TMC2: variants seen among roughly 807,000 people sequenced by gnomAD.
TMC2 encodes the protein transmembrane channel-like protein 2.
In TMC2, 102 loss-of-function variants were observed where a neutral mutation model predicts 105.9. That is an observed-to-expected ratio of 0.96 (90% CI 0.82 to 1.14). The LOEUF (loss-of-function observed/expected upper bound fraction) is 1.14. Among genes scored for constraint, TMC2 ranks in the 50% most tolerant of loss-of-function variants. TMC2 has a pLI of 0.00. For synonymous variants in TMC2, 402 were observed against 422.8 expected (o/e 0.95, Z 0.60); for missense variants, 1,093 against 1,134.3 (o/e 0.96, Z 0.52).
chr20:2,567,066 C>T (rs1600104147), intron 4 of TMC2, among the ~76,000 whole-genome samples: 1 of 152,366 alleles, frequency 6.6e-6, no homozygotes, highest in South Asian at 2.1e-4. Flanking sequence ...ATACCCCTAA[C>T]CAGGGTGTGC....
At chr20:2,572,143 A>G in intron 4 of TMC2, 36 bp from the exon 5 acceptor site, 1 of 1,502,488 alleles carries the variant, frequency 6.7e-7, no homozygotes, top group South Asian at 1.1e-5. Flanking sequence ...GTTAGGTGCT[A>G]ACTGAAATCC....
Position 2,616,924 on chromosome 20 carries a change from G to A in TMC2, c.1941-148G>A, listed in dbSNP as rs2086486625. 1.2e-6 allele frequency: 1 copy of A among 802,590 alleles called. No homozygotes were observed. The highest frequency in any genetic ancestry group is 2.0e-6 in the Non-Finnish European group (1 of 508,026). The allele number at this position is 802,590 out of a possible 1,614,324, so 49.7% of individuals were successfully genotyped here. A position where few individuals can be genotyped will look rare whatever the true frequency, so the allele number is the denominator to read the frequency against. On this transcript the variant is annotated intron_variant, in intron 15 of 19. Coordinates refer to ENST00000358864, the MANE Select transcript of TMC2 (RefSeq NM_080751.3). This position sits in a 1 kb window ranked among gnomAD's most constrained non-coding sequence, Gnocchi z 4.8. ...TTCTGGCTTGATGATCGATATTCTG[G>A]TTAAATGGGAGGCCCCTTACCTGGG...
chr20:2,604,427 G>T (rs1054583751), intron 11 of TMC2, among the ~76,000 whole-genome samples: 2 of 152,206 alleles, frequency 1.3e-5, no homozygotes, highest in African/African-American at 4.8e-5. Flanking sequence ...TGACATGAGT[G>T]ACTCTATTTT....
chr20:2,594,978 C>T lies in TMC2; in HGVS notation c.1076+11C>T, dbSNP rs757895490. On this transcript the variant is annotated intron_variant, in intron 9 of 19. Coordinates refer to ENST00000358864, the MANE Select transcript of TMC2 (RefSeq NM_080751.3). The stretch of plus-strand genomic sequence containing the variant: ...TATTGTCATTCGATCGTAAGTATGA[C>T]CGTCTCATCCGCAGGCTTTGACTTC... The T allele has an allele frequency of 6.2e-7, 1 of 1,610,140 alleles. No individual in the cohort carries two copies. The highest frequency in any genetic ancestry group is 1.7e-5 in the Admixed American group (1 of 59,834).
intron 11 of TMC2, among the ~76,000 whole-genome samples, chr20:2,604,166 G>A (rs932709192): frequency 2.5e-4 from 38 of 152,304 alleles, no homozygotes; most frequent in African/African-American, 8.4e-4. Context: ...TGCCAAAATC[G>A]GGAGAAGGTT....
At chr20:2,544,199 A>G (rs1226452776) in intron 2 of TMC2, among the ~76,000 whole-genome samples, 1 of 151,856 alleles carries the variant, frequency 6.6e-6, no homozygotes, top group African/African-American at 2.4e-5. Flanking sequence ...TACAGGCATG[A>G]GCCAACGCAC....
chr20:2,554,625 A>T (rs1040642236), intron 2 of TMC2, among the ~76,000 whole-genome samples: 9 of 152,146 alleles, frequency 5.9e-5, no homozygotes, highest in African/African-American at 2.2e-4. Flanking sequence ...ATAAATTTTG[A>T]CCAGTTGTAT....
At chr20:2,598,473 G>A (rs761320074) in intron 10 of TMC2, among the ~76,000 whole-genome samples, 11 of 151,680 alleles carry the variant, frequency 7.3e-5, no homozygotes, top group Non-Finnish European at 1.5e-5. Flanking sequence ...GGAGTGTAGT[G>A]GCAAAATCTC....
At chr20:2,564,565 G>A (rs2086051131) in intron 4 of TMC2, among the ~76,000 whole-genome samples, 1 of 152,168 alleles carries the variant, frequency 6.6e-6, no homozygotes, top group East Asian at 1.9e-4. Context: ...TCCCACTCAG[G>A]TGTCACCAGA....
chr20:2,607,346 A>G (rs2086401588), intron 11 of TMC2, among the ~76,000 whole-genome samples: 1 of 152,012 alleles, frequency 6.6e-6, no homozygotes, highest in South Asian at 2.1e-4. Flanking sequence ...TCCTTTATCT[A>G]TATTCCCTCT....
intron 2 of TMC2, among the ~76,000 whole-genome samples, chr20:2,556,845 T>C (rs1206698496): frequency 1.3e-5 from 2 of 151,488 alleles, no homozygotes; most frequent in South Asian, 2.1e-4. Flanking sequence ...GAAGAATACT[T>C]TTGATGGATA....
At chr20:2,552,244 T>A in intron 2 of TMC2, among the ~76,000 whole-genome samples, 1 of 152,198 alleles carries the variant, frequency 6.6e-6, no homozygotes, top group East Asian at 1.9e-4. Context: ...AGCAACAGAA[T>A]GAGACCCTGT....
chr20:2,602,104 C>T lies in TMC2; in HGVS notation c.1225-9C>T. The T allele has an allele frequency of 6.3e-7, 1 of 1,592,786 alleles. No individual in the cohort carries two copies. Among genetic ancestry groups the T allele is most frequent in the Non-Finnish European group, 8.6e-7 (1 of 1,167,610 alleles). ...GACATTTATGCACATCTCATTTTCACACATTAAGGAATCAATAGTGGATGA... is the reference window on the plus strand; with the variant it reads ...GACATTTATGCACATCTCATTTTCATACATTAAGGAATCAATAGTGGATGA... On this transcript the variant is annotated splice_polypyrimidine_tract_variant and intron_variant, in intron 10 of 19. Coordinates refer to ENST00000358864, the MANE Select transcript of TMC2 (RefSeq NM_080751.3).
chr20:2,596,044 T>C (rs1600119881), intron 9 of TMC2, among the ~76,000 whole-genome samples: 1 of 152,140 alleles, frequency 6.6e-6, no homozygotes, highest in Admixed American at 6.5e-5. Context: ...CAGATAAGTA[T>C]AGAAATATGC....
At chr20:2,598,915 T>C (rs73075298) in intron 10 of TMC2, among the ~76,000 whole-genome samples, 4,729 of 152,128 alleles carry the variant, frequency 0.031, 152 homozygotes, top group African/African-American at 0.079. Context: ...GACAGAAAGT[T>C]TCCTGTGTGT....
chr20:2,613,390 A>G (rs908055480), intron 14 of TMC2, 68 bp downstream of exon 14: 5 of 1,602,648 alleles, frequency 3.1e-6, no homozygotes, highest in Non-Finnish European at 4.3e-6. Flanking sequence ...ACTTATAGCC[A>G]GATGCATTCT....
intron 2 of TMC2, among the ~76,000 whole-genome samples, chr20:2,545,059 T>A (rs1159157857): frequency 6.6e-6 from 1 of 150,754 alleles, no homozygotes. Flanking sequence ...AAAATTTAAT[T>A]AGACATGCAT....
rs550464609 is a variant in TMC2, at chr20:2,552,793, G to A, written c.83-5663G>A. Among the ~76,000 whole-genome samples the A allele has an allele frequency of 7.7e-4, 117 of 152,132 alleles. 1 individual carries two copies. The highest frequency in any genetic ancestry group is 1.3e-3 in the Non-Finnish European group (88 of 67,982). ...GACCTCCCAAAGTGCTGGGATTATAGGCATGAGCCACCGTGACCTGCCAAG... is the reference window on the plus strand; with the variant it reads ...GACCTCCCAAAGTGCTGGGATTATAAGCATGAGCCACCGTGACCTGCCAAG... On this transcript the variant is annotated intron_variant, in intron 2 of 19. Transcript: ENST00000358864.
rs748594078 is a variant in TMC2, at chr20:2,592,433, A to G, written c.933+25A>G. ...GGTACTATTGTCAACATGCCAATGA[A>G]CTTCCATTTGTGATTATAAAGGCTA... On this transcript the variant is annotated intron_variant, in intron 8 of 19. Transcript: ENST00000358864. The surrounding 1 kb of genome is among the most constrained non-coding windows in gnomAD (Gnocchi z 4.9). 11 of 1,462,050 alleles carry G rather than the reference A, an allele frequency of 7.5e-6. No individual in the cohort carries two copies. In the East Asian group the frequency reaches 2.5e-4, roughly 33 times the overall value. The allele number at this position is 1,462,050 out of a possible 1,614,324, so 90.6% of individuals were successfully genotyped here.
Sources: allele counts gnomAD v4.1 joint callset (sites outside exome capture counted in the v4.1 genomes callset), GRCh38; gene constraint gnomAD v4.1.1; non-coding constraint Gnocchi (gnomAD v3.1); transcripts MANE v1.5; gene names NCBI Gene and HGNC (gene_info 2026-07-23, HGNC 2026-07-21).